LRR1: variants seen among roughly 807,000 people sequenced by gnomAD.
LRR1 encodes leucine rich repeat protein 1, also known as leucine-rich repeat protein 1.
In LRR1, 29 loss-of-function variants were observed where a neutral mutation model predicts 31.6. That is an observed-to-expected ratio of 0.92 (90% CI 0.68 to 1.25). The LOEUF is 1.25. Among genes scored for constraint, LRR1 ranks in the 50% most tolerant of loss-of-function variants. LRR1 has a pLI of 0.00. For synonymous variants in LRR1, 179 were observed against 181.4 expected (o/e 0.99, Z 0.10); for missense variants, 485 against 487.2 (o/e 1.00, Z 0.04).
At chr14:49,603,669 C>T (rs566062879) in intron 2 of LRR1, 55 of 918,966 alleles carry the variant, frequency 6.0e-5, no homozygotes, top group Admixed American at 1.6e-4. Flanking sequence ...CTGGCCCTTA[C>T]TGTAATCATT....
intron 2 of LRR1, among the ~76,000 whole-genome samples, chr14:49,604,443 T>A (rs1260382470): frequency 6.6e-6 from 1 of 152,206 alleles, no homozygotes; most frequent in African/African-American, 2.4e-5. Context: ...CTCACGCCTA[T>A]GATCCCAGCA....
chr14:49,602,634 G>T (rs1486551241), intron 2 of LRR1, among the ~76,000 whole-genome samples, 166 bp downstream of exon 2: 1 of 151,952 alleles, frequency 6.6e-6, no homozygotes, highest in Non-Finnish European at 1.5e-5. Context: ...GGGACTAAAG[G>T]TGTACCTCAC....
Position 49,614,597 on chromosome 14 carries a change from T to TG in LRR1, c.*102dup. 6.8e-7 allele frequency: 1 copy of TG among 1,469,616 alleles called. No homozygotes were observed. Among genetic ancestry groups the TG allele is most frequent in the Non-Finnish European group, 9.4e-7 (1 of 1,058,296 alleles). 91.0% of individuals were successfully genotyped at this position (1,469,616 alleles called of 1,614,324 possible). A position where few individuals can be genotyped will look rare whatever the true frequency, so the allele number is the denominator to read the frequency against. On this transcript the variant is annotated 3_prime_UTR_variant, in exon 4 of 4. Transcript: ENST00000298288. ...GAGTAAGGGAAGATTTCTGTATACT[T>TG]GCTGGAGAGGAGGAATGTGTATAGT... is the stretch of plus-strand genomic sequence containing the variant.
At chr14:49,603,523 C>CTTCTT (rs1319657896) in intron 2 of LRR1, 232 of 99,098 alleles carry the variant, frequency 2.3e-3, no homozygotes, top group African/African-American at 3.3e-3. Flanking sequence ...TCTTCTTCTT[C>CTTCTT]TTTTTTTTTT....
At position 49,607,036 on chromosome 14, in the gene LRR1, T is replaced by A. The variant is rs1386044232; in HGVS notation, c.283-364T>A. On this transcript the variant is annotated intron_variant, in intron 2 of 3. Transcript: ENST00000298288. ...TTATGATTTCCCTTTATTTTTGTTA[T>A]TTTTTTTTTTTTTTGAGACAGTCTC... Among the ~76,000 whole-genome samples the A allele has an allele frequency of 7.3e-5, 10 of 136,530 alleles. No homozygotes were observed. The South Asian group carries it at 1.5e-3, about 21-fold the overall frequency. 89.6% of individuals were successfully genotyped at this position (136,530 alleles called of 152,430 possible). A position where few individuals can be genotyped will look rare whatever the true frequency, so the allele number is the denominator to read the frequency against.
intron 1 of LRR1, among the ~76,000 whole-genome samples, chr14:49,602,140 CTTTTTTTTTTTTTT>C (rs71115383): frequency 1.7e-5 from 1 of 60,298 alleles, no homozygotes; most frequent in African/African-American, 7.3e-5. Flanking sequence ...AAAAAAACAA[CTTTTTTTTTTTTTT>C]TTTTTTTTTT....
chr14:49,601,156 A>G (rs1882036968), intron 1 of LRR1: 1 of 1,598,868 alleles, frequency 6.3e-7, no homozygotes, highest in Non-Finnish European at 8.5e-7. Context: ...AAAAAGAACA[A>G]ATGTTTTATT....
intron 2 of LRR1, among the ~76,000 whole-genome samples, chr14:49,603,133 C>T (rs897708589): frequency 1.3e-4 from 20 of 152,206 alleles, no homozygotes; most frequent in Non-Finnish European, 2.8e-4. Flanking sequence ...GCGTGAGCCA[C>T]TGTGCTCAGC....
intron 1 of LRR1, chr14:49,601,488 T>C (rs1013184280): frequency 5.0e-6 from 3 of 604,608 alleles, no homozygotes; most frequent in Non-Finnish European, 8.3e-6. Flanking sequence ...TTTATATAGA[T>C]GATAATCATT....
intron 1 of LRR1, chr14:49,601,028 G>C (rs1205161718): frequency 6.2e-7 from 1 of 1,610,816 alleles, no homozygotes; most frequent in Admixed American, 1.7e-5. Context: ...TTGTATGTAA[G>C]TTGCTTTCTA....
intron 3 of LRR1, 151 bp downstream of exon 3, chr14:49,608,272 A>G: frequency 1.2e-6 from 1 of 838,854 alleles, no homozygotes; most frequent in Non-Finnish European, 1.7e-6. Context: ...ACCTCTGCTT[A>G]GAATGATTTT....
chr14:49,603,273 G>A (rs972508431), intron 2 of LRR1, among the ~76,000 whole-genome samples: 2 of 152,132 alleles, frequency 1.3e-5, no homozygotes, highest in Non-Finnish European at 2.9e-5. Context: ...ATATGCTTGT[G>A]TGCCTTCTAA....
chr14:49,605,926 T>C (rs1882260746), intron 2 of LRR1, among the ~76,000 whole-genome samples: 1 of 152,232 alleles, frequency 6.6e-6, no homozygotes, highest in African/African-American at 2.4e-5. Context: ...ATCCCTCCAC[T>C]TTACGTTGGC....
chr14:49,606,682 A>T (rs1320071178), intron 2 of LRR1, among the ~76,000 whole-genome samples: 3 of 133,398 alleles, frequency 2.2e-5, no homozygotes, highest in African/African-American at 8.7e-5. Flanking sequence ...TTTCAGATAG[A>T]GTCTTGCTCT....
intron 3 of LRR1, chr14:49,612,630 C>T (rs1254574906): frequency 8.6e-6 from 9 of 1,042,130 alleles, no homozygotes; most frequent in South Asian, 3.0e-5. Context: ...CAAAGGTAAC[C>T]GCTGTTTTTT....
intron 1 of LRR1, chr14:49,601,618 C>T: frequency 7.8e-7 from 1 of 1,289,500 alleles, no homozygotes. Context: ...GGAGGTGTGC[C>T]CACCCCAGGC....
chr14:49,601,576 C>T, intron 1 of LRR1: 1 of 1,257,894 alleles, frequency 7.9e-7, no homozygotes, highest in Non-Finnish European at 1.0e-6. Context: ...GACAAGATTC[C>T]TGCTCTCATG....
intron 1 of LRR1, 70 bp from the exon 2 acceptor site, chr14:49,602,300 C>A: frequency 7.5e-7 from 1 of 1,336,666 alleles, no homozygotes; most frequent in Non-Finnish European, 1.1e-6. Flanking sequence ...CTGGCACATT[C>A]TAGTTGTAAT....
At chr14:49,613,587 A>T (rs2139556515) in intron 3 of LRR1, among the ~76,000 whole-genome samples, 1 of 151,982 alleles carries the variant, frequency 6.6e-6, no homozygotes, top group South Asian at 2.1e-4. Flanking sequence ...CAGGCAGATC[A>T]CATGACGTCA....
Sources: allele counts gnomAD v4.1 joint callset (sites outside exome capture counted in the v4.1 genomes callset), GRCh38; gene constraint gnomAD v4.1.1; transcripts MANE v1.5; gene names NCBI Gene and HGNC (gene_info 2026-07-23, HGNC 2026-07-21).